NDUFAF6: variants seen among roughly 807,000 people sequenced by gnomAD.
The protein encoded by NDUFAF6 is NADH:ubiquinone oxidoreductase complex assembly factor 6.
A neutral mutation model predicts 40.8 loss-of-function variants in NDUFAF6; 45 were observed. The ratio of observed to expected loss-of-function variants is 1.10; its 90% confidence interval spans 0.87 to 1.42. The LOEUF (loss-of-function observed/expected upper bound fraction) is 1.42. Ranked by LOEUF, NDUFAF6 falls within the 40% of genes most tolerant of loss-of-function variation. NDUFAF6 has a pLI of 0.00. For synonymous variants in NDUFAF6, 185 were observed against 155.9 expected, an observed-to-expected ratio of 1.19 and a Z score of -1.39; for missense variants, 435 against 418.5, an observed-to-expected ratio of 1.04 and a Z score of -0.34.
chr8:94,960,375 T>C (rs1028208855), intron 1 of NDUFAF6, among the ~76,000 whole-genome samples: 1 of 152,246 alleles, frequency 6.6e-6, no homozygotes, highest in Non-Finnish European at 1.5e-5. Context: ...AAAGGTTATC[T>C]GAAGGCAAAT....
At chr8:95,048,812 G>C (rs1831106953) in intron 7 of NDUFAF6, among the ~76,000 whole-genome samples, 2 of 152,156 alleles carry the variant, frequency 1.3e-5, no homozygotes. Flanking sequence ...GCTCCTCTGT[G>C]CTCCATCCAC....
chr8:95,075,977 C>T, exon 10 of NDUFAF6: 1 of 279,540 alleles, frequency 3.6e-6, no homozygotes, highest in Non-Finnish European at 7.2e-6. Context: ...GGGGTGGACT[C>T]CGGGGCTTTG....
At chr8:94,946,261 C>T (rs1234297478) in intron 2 of NDUFAF6, among the ~76,000 whole-genome samples, 1 of 152,082 alleles carries the variant, frequency 6.6e-6, no homozygotes, top group African/African-American at 2.4e-5. Context: ...AGAAAGGTGG[C>T]TGACTGAGTC....
upstream of NDUFAF6, among the ~76,000 whole-genome samples, chr8:95,098,002 A>C (rs1018340502): frequency 4.6e-5 from 7 of 152,000 alleles, no homozygotes; most frequent in African/African-American, 1.7e-4. Flanking sequence ...ACAGTAAGAA[A>C]GGTGAGAGGA....
At chr8:95,078,662 A>ATATATATATATATATATATATATATAT (rs1554689343), downstream of NDUFAF6, 1 of 121,052 alleles carries the variant, frequency 8.3e-6, no homozygotes, top group African/African-American at 3.3e-5. Flanking sequence ...AAAAAAAAAA[A>ATATATATATATATATATATATATATAT]ATATATATAT....
rs2678836 is a variant in NDUFAF6 at position 95,045,990 on chromosome 8, G to A, written c.580+343G>A. Reference sequence around the variant, plus strand: ...CCTGACTCTTCCTTTCGTGTTAATAGTACTTATCCATGGAAAAAGAAAAGT... The same window carrying A: ...CCTGACTCTTCCTTTCGTGTTAATAATACTTATCCATGGAAAAAGAAAAGT... On this transcript the variant is annotated intron_variant, in intron 5 of 8. Coordinates refer to ENST00000396124, the MANE Select transcript of NDUFAF6 (RefSeq NM_152416.4). Among the ~76,000 whole-genome samples, 137,033 of 152,044 alleles carry A rather than the reference G, an allele frequency of 0.9. 62,129 individuals carry two copies. Among genetic ancestry groups the A allele is most frequent in the East Asian group, 1 (5,192 of 5,194 alleles).
At chr8:95,004,039 G>C (rs759843563) in intron 2 of NDUFAF6, among the ~76,000 whole-genome samples, 1 of 152,166 alleles carries the variant, frequency 6.6e-6, no homozygotes, top group Non-Finnish European at 1.5e-5. Flanking sequence ...CGAGTAGAGA[G>C]AGTGCTGGTT....
At chr8:95,052,579 T>C (rs10087407) in intron 8 of NDUFAF6, among the ~76,000 whole-genome samples, 3,127 of 152,328 alleles carry the variant, frequency 0.021, 49 homozygotes, top group Non-Finnish European at 0.028. Context: ...TTTGTGGGAT[T>C]GTTAGGCTGC....
exon 10 of NDUFAF6, chr8:95,075,829 C>A: frequency 1.8e-6 from 1 of 548,472 alleles, no homozygotes; most frequent in Non-Finnish European, 3.1e-6. Context: ...ACACACTTCT[C>A]CTTGCGCTAT....
intron 1 of NDUFAF6, among the ~76,000 whole-genome samples, chr8:95,030,823 G>A (rs1828738140): frequency 6.6e-6 from 1 of 152,230 alleles, no homozygotes; most frequent in East Asian, 1.9e-4. Flanking sequence ...TCTGCAGGCT[G>A]TGCAAGAAGC....
At chr8:94,930,627 G>C in intron 1 of NDUFAF6, 2 of 1,614,214 alleles carry the variant, frequency 1.2e-6, no homozygotes, top group Non-Finnish European at 1.7e-6. Flanking sequence ...TATCCACTGG[G>C]AAGGGCGAAA....
At chr8:94,934,211 T>C (rs1820744478) in intron 1 of NDUFAF6, among the ~76,000 whole-genome samples, 1 of 152,108 alleles carries the variant, frequency 6.6e-6, no homozygotes, top group Non-Finnish European at 1.5e-5. Flanking sequence ...CATCTCTGGG[T>C]CATGAAAATG....
intron 1 of NDUFAF6, among the ~76,000 whole-genome samples, chr8:94,974,273 C>T (rs1055163807): frequency 6.7e-5 from 10 of 149,238 alleles, no homozygotes; most frequent in African/African-American, 2.5e-4. Context: ...CACAGTAAAA[C>T]AGACCTGGTA....
At chr8:94,911,001 A>G (rs1394407492) in intron 1 of NDUFAF6, among the ~76,000 whole-genome samples, 1 of 152,190 alleles carries the variant, frequency 6.6e-6, no homozygotes, top group Non-Finnish European at 1.5e-5. Context: ...GGAAAATGTT[A>G]AAGTAAGATC....
intron 2 of NDUFAF6, among the ~76,000 whole-genome samples, chr8:94,948,834 G>A (rs972832290): frequency 3.3e-5 from 5 of 152,054 alleles, no homozygotes; most frequent in Non-Finnish European, 4.4e-5. Flanking sequence ...ACGCTCGGGG[G>A]AGGAGGCAGA....
intron 1 of NDUFAF6, among the ~76,000 whole-genome samples, chr8:94,899,525 C>T (rs1453145340): frequency 6.6e-6 from 1 of 152,218 alleles, no homozygotes; most frequent in Non-Finnish European, 1.5e-5. Context: ...CACTATAAGA[C>T]AGGTGCTAAT....
intron 2 of NDUFAF6, chr8:95,034,152 C>T (rs1587043803): frequency 2.2e-6 from 1 of 446,278 alleles, no homozygotes; most frequent in Admixed American, 2.5e-5. Flanking sequence ...TACTCATGAC[C>T]CTGTTGTTAA....
intron 1 of NDUFAF6, among the ~76,000 whole-genome samples, chr8:94,904,001 G>C (rs1399183325): frequency 6.6e-6 from 1 of 152,122 alleles, no homozygotes; most frequent in African/African-American, 2.4e-5. Context: ...CCCTAGTCTT[G>C]AGATAACTTC....
chr8:95,020,308 G>A (rs1387681996), upstream of NDUFAF6, among the ~76,000 whole-genome samples: 1 of 152,186 alleles, frequency 6.6e-6, no homozygotes, highest in Admixed American at 6.5e-5. Context: ...TCAGATAACT[G>A]TAAGGCTTGA....
Sources: gnomAD v4.1 joint callset for allele counts (sites outside exome capture counted in the v4.1 genomes callset) on GRCh38, gnomAD v4.1.1 for gene constraint, MANE v1.5 for transcripts, NCBI Gene and HGNC (gene_info 2026-07-23, HGNC 2026-07-21) for gene names.